Variants in GTF3C2 observed in about 807,000 individuals in gnomAD.
GTF3C2 encodes the protein general transcription factor IIIC subunit 2.
Under a neutral mutation model 117.4 loss-of-function variants are expected in GTF3C2, and 17 were observed. The observed-to-expected ratio is 0.14, with a 90% confidence interval of 0.10 to 0.22. The LOEUF is 0.22. Ranked by LOEUF, GTF3C2 falls within the 10% of genes least tolerant of loss-of-function variation. GTF3C2 has a pLI of 1.00. For synonymous variants in GTF3C2, 437 were observed against 427.0 expected, an observed-to-expected ratio of 1.02 and a Z score of -0.29; for missense variants, 888 against 1,143.6, an observed-to-expected ratio of 0.78 and a Z score of 3.22.
chr2:27,347,530 A>G (rs1201231380), intron 1 of GTF3C2, among the ~76,000 whole-genome samples: 1 of 152,192 alleles, frequency 6.6e-6, no homozygotes, highest in African/African-American at 2.4e-5. Context: ...TGACAGAACT[A>G]CCCCATTCAA....
chr2:27,333,542 A>G (rs1221089399), intron 12 of GTF3C2, 113 bp downstream of exon 12: 3 of 651,662 alleles, frequency 4.6e-6, no homozygotes, highest in Non-Finnish European at 8.0e-6. Context: ...CATTGCTTGA[A>G]TATTTCTAAC....
intron 1 of GTF3C2, among the ~76,000 whole-genome samples, chr2:27,349,925 C>T (rs893601787): frequency 2.6e-5 from 4 of 152,054 alleles, no homozygotes; most frequent in Non-Finnish European, 5.9e-5. Flanking sequence ...CAAGCATGAG[C>T]CACTGTGCCC....
At chr2:27,331,218 GAAT>G (rs1352265572) in intron 12 of GTF3C2, among the ~76,000 whole-genome samples, 6 of 152,164 alleles carry the variant, frequency 3.9e-5, no homozygotes, top group East Asian at 1.9e-4. Context: ...GACAATGTAA[GAAT>G]AATACCACCA....
chr2:27,341,771 C>A (rs1680739363), intron 4 of GTF3C2, 177 bp downstream of exon 4: 5 of 593,114 alleles, frequency 8.4e-6, no homozygotes, highest in South Asian at 6.4e-5. Context: ...GTTTACCATA[C>A]CCCTTCTTCT....
chr2:27,326,487 C>G (rs1572559759), exon 19 of GTF3C2: 1 of 606,998 alleles, frequency 1.6e-6, no homozygotes, highest in East Asian at 2.8e-5. Flanking sequence ...GCCCCCCTGC[C>G]CGCAGGGGGC....
At chr2:27,345,715 C>CTT (rs747679500) in intron 1 of GTF3C2, among the ~76,000 whole-genome samples, 12 of 140,032 alleles carry the variant, frequency 8.6e-5, no homozygotes, top group African/African-American at 1.3e-4. Context: ...AAAGCTTTTC[C>CTT]TTTTTTTTTT....
At chr2:27,336,004 G>A (rs370494450) in exon 9 of GTF3C2, 1 of 1,613,168 alleles carries the variant, frequency 6.2e-7, no homozygotes, top group East Asian at 2.2e-5. Context: ...CAATCCCATA[G>A]ACAAAGTGGG....
At chr2:27,350,358 A>C (rs1158954068) in intron 1 of GTF3C2, 5 of 947,780 alleles carry the variant, frequency 5.3e-6, no homozygotes, top group Non-Finnish European at 6.3e-6. Flanking sequence ...TGTTTTAACA[A>C]GCTCTTCAGG....
At position 27,337,349 on chromosome 2, in the gene GTF3C2, G is replaced by GA; in HGVS notation, c.1029-8dup. ...CAGGTAGGGAGCGGCCTCACTGGGG[G>GA]AAGACAAAGGGAACAGTCTAAATTT... On this transcript the variant is annotated splice_polypyrimidine_tract_variant and splice_region_variant and intron_variant, in intron 6 of 18. Transcript: ENST00000264720. The GA allele has an allele frequency of 6.3e-7, 1 of 1,584,030 alleles. No individual in the cohort carries two copies. Among genetic ancestry groups the GA allele is most frequent in the South Asian group, 1.1e-5 (1 of 90,444 alleles).
chr2:27,326,980 G>T, intron 18 of GTF3C2, 87 bp from the exon 19 acceptor site: 1 of 807,504 alleles, frequency 1.2e-6, no homozygotes, highest in Non-Finnish European at 2.0e-6. Flanking sequence ...AAAAAAAAAT[G>T]AGCCACAATC....
intron 1 of GTF3C2, chr2:27,356,100 C>T (rs1194131552): frequency 2.3e-6 from 3 of 1,289,182 alleles, no homozygotes; most frequent in Admixed American, 4.6e-5. Context: ...ATACATCCCT[C>T]CAACAAAGTG....
Position 27,337,236 on chromosome 2 carries a change from A to G in GTF3C2, c.1127+8T>C, listed in dbSNP as rs1409467193. On this transcript the variant is annotated splice_region_variant and intron_variant, in intron 7 of 18. Transcript: ENST00000264720. ...AATCAGAAAAAAGGGCGGATGTGCAATCTTCACCTGTTTATTCGGTAGAGG... is the reference window on the plus strand; with the variant it reads ...AATCAGAAAAAAGGGCGGATGTGCAGTCTTCACCTGTTTATTCGGTAGAGG... 3.9e-6 allele frequency: 6 copies of G among 1,546,132 alleles called. No individual in the cohort carries two copies. Among genetic ancestry groups the G allele is most frequent in the Non-Finnish European group, 3.6e-6 (4 of 1,122,942 alleles).
intron 12 of GTF3C2, among the ~76,000 whole-genome samples, chr2:27,332,437 CAG>C (rs930913769): frequency 7.3e-5 from 11 of 151,168 alleles, no homozygotes; most frequent in Non-Finnish European, 1.6e-4. Flanking sequence ...TTTTTTGAGA[CAG>C]AGTCTCGCTC....
At chr2:27,350,892 T>C (rs906818915) in intron 1 of GTF3C2, among the ~76,000 whole-genome samples, 1 of 147,508 alleles carries the variant, frequency 6.8e-6, no homozygotes, top group Non-Finnish European at 1.5e-5. Context: ...GAGTTTGCAG[T>C]GAGCCGAGAC....
Position 27,335,768 on chromosome 2 carries a change from G to T in GTF3C2, c.1468-62C>A, listed in dbSNP as rs766268909. The T allele has an allele frequency of 3.3e-6, 4 of 1,207,828 alleles. No individual in the cohort carries two copies. The African/African-American group carries it at 6.0e-5, about 18-fold the overall frequency. 74.8% of individuals were successfully genotyped at this position (1,207,828 alleles called of 1,614,324 possible). On this transcript the variant is annotated intron_variant, in intron 9 of 18. Coordinates refer to ENST00000264720, the Ensembl canonical transcript of GTF3C2. ...CAGCTGACTCACAGAAAACCTTTGAGGTTCTAGTCCCTGAAATACTGTATG... is the reference window on the plus strand; with the variant it reads ...CAGCTGACTCACAGAAAACCTTTGATGTTCTAGTCCCTGAAATACTGTATG...
chr2:27,333,913 T>A (rs1453942829), intron 11 of GTF3C2, 61 bp downstream of exon 11: 29 of 1,463,778 alleles, frequency 2.0e-5, no homozygotes, highest in Admixed American at 1.7e-5. Context: ...CACTGTGGAA[T>A]CAGCAAGGTG....
At chr2:27,341,914 T>C in intron 4 of GTF3C2, 34 bp downstream of exon 4, 4 of 1,579,390 alleles carry the variant, frequency 2.5e-6, no homozygotes, top group Non-Finnish European at 3.5e-6. Context: ...AATCCTACTA[T>C]GTCCCCATTC....
chr2:27,341,782 G>A, intron 4 of GTF3C2, 166 bp downstream of exon 4: 2 of 603,756 alleles, frequency 3.3e-6, no homozygotes, highest in South Asian at 4.2e-5. Context: ...CCCTTCTTCT[G>A]CGCTCTCCCT....
At chr2:27,333,899 G>C in intron 11 of GTF3C2, 75 bp downstream of exon 11, 1 of 1,449,558 alleles carries the variant, frequency 6.9e-7, no homozygotes, top group Non-Finnish European at 9.7e-7. Flanking sequence ...AGTATAAGGA[G>C]ACTCACTGTG....
Sources: allele counts gnomAD v4.1 joint callset (sites outside exome capture counted in the v4.1 genomes callset), GRCh38; gene constraint gnomAD v4.1.1; transcripts MANE v1.5; gene names NCBI Gene and HGNC (gene_info 2026-07-23, HGNC 2026-07-21).